PMM2: variants seen among roughly 807,000 people sequenced by gnomAD.
PMM2 encodes the protein mannose-6-phosphate isomerase.
Under a neutral mutation model 33.2 loss-of-function variants are expected in PMM2, and 35 were observed. The observed-to-expected ratio is 1.06, with a 90% CI of 0.81 to 1.40. The LOEUF is 1.40. PMM2 is among the 40% of genes most tolerant of loss of function. The pLI, the probability that PMM2 is intolerant of heterozygous loss-of-function variation, is 0.00. For synonymous variants in PMM2, 153 were observed against 114.7 expected, an observed-to-expected ratio of 1.33 and a Z score of -2.13; for missense variants, 386 against 306.0, an observed-to-expected ratio of 1.26 and a Z score of -1.95.
chr16:8,804,039 T>TTTTTTTTG lies in PMM2; in HGVS notation c.179-721_179-720insGTTTTTTT, dbSNP rs1555449120. On this transcript the variant is annotated intron_variant, in intron 2 of 7. Transcript: ENST00000268261. ...TTTTTTGGGTTTTTTTTGTTTTTTT[T>TTTTTTTTG]TTTTTTTTTTTTGACGTTAGACAGA... Among the ~76,000 whole-genome samples, 5 of 132,802 alleles carry TTTTTTTTG rather than the reference T, an allele frequency of 3.8e-5. No homozygotes were observed. In the East Asian group the frequency reaches 8.7e-4, roughly 23 times the overall value. The allele number at this position is 132,802 out of a possible 152,430, so 87.1% of individuals were successfully genotyped here. A position where few individuals can be genotyped will look rare whatever the true frequency, so the allele number is the denominator to read the frequency against.
intron 1 of PMM2, 93 bp downstream of exon 1, chr16:8,798,041 G>T: frequency 7.8e-7 from 1 of 1,284,514 alleles, no homozygotes. Flanking sequence ...GCGCCAAGGG[G>T]TGGCTAAGGA....
chr16:8,810,711 G>T (rs527310275), intron 4 of PMM2: 4 of 343,476 alleles, frequency 1.2e-5, no homozygotes, highest in African/African-American at 8.6e-5. Flanking sequence ...TGAGTAGCTG[G>T]GATTATAGGC....
At chr16:8,812,340 G>A (rs1365924785) in intron 6 of PMM2, among the ~76,000 whole-genome samples, 1 of 152,162 alleles carries the variant, frequency 6.6e-6, no homozygotes, top group African/African-American at 2.4e-5. Flanking sequence ...CAAATGCTTT[G>A]CACACCGATT....
In PMM2 at chr16:8,845,233, C is replaced by T. The variant is rs368195319; in HGVS notation, c.640-2491C>T. 2.1e-3 allele frequency among the ~76,000 whole-genome samples: 323 copies of T among 151,672 alleles called. 3 individuals carry two copies. The highest frequency in any genetic ancestry group is 7.4e-3 in the African/African-American group (303 of 40,982). ...CAGGGGTGGATCTCACAAAGTACAT[C>T]CTCAAGAGTGGGGAGAATTTCAAAG... On this transcript the variant is annotated intron_variant, in intron 7 of 7. Transcript: ENST00000268261.
intron 4 of PMM2, chr16:8,810,246 C>T (rs1222525987): frequency 2.0e-5 from 3 of 152,164 alleles, no homozygotes; most frequent in Admixed American, 6.5e-5. Context: ...TACTGAGGCT[C>T]GTTGGACAAT....
chr16:8,821,114 A>G (rs887263357), intron 7 of PMM2, among the ~76,000 whole-genome samples: 5 of 152,162 alleles, frequency 3.3e-5, no homozygotes, highest in African/African-American at 1.2e-4. Flanking sequence ...CTGGGACCAC[A>G]TGATTTGAGA....
At chr16:8,816,841 A>G (rs2141026803) in intron 7 of PMM2, among the ~76,000 whole-genome samples, 1 of 152,224 alleles carries the variant, frequency 6.6e-6, no homozygotes, top group East Asian at 1.9e-4. Context: ...GGAAAACTAC[A>G]TAGTGGTTCC....
intron 7 of PMM2, among the ~76,000 whole-genome samples, chr16:8,826,731 C>T (rs2141033125): frequency 6.6e-6 from 1 of 152,284 alleles, no homozygotes; most frequent in East Asian, 1.9e-4. Flanking sequence ...ACACACACAA[C>T]ATTATAAATA....
At position 8,819,256 on chromosome 16, in the gene PMM2, A is replaced by C. The variant is rs540830671; in HGVS notation, c.639+6150A>C. Among the ~76,000 whole-genome samples the C allele has an allele frequency of 4.2e-3, 636 of 152,320 alleles. 1 individual carries two copies. The highest frequency in any genetic ancestry group is 7.3e-3 in the Non-Finnish European group (495 of 68,028). ...ACTGGGATGCCATGTAGCTGTAAAAAGAGTCCATGTGGACCCATCTCTAGG... is the reference window on the plus strand; with the variant it reads ...ACTGGGATGCCATGTAGCTGTAAAACGAGTCCATGTGGACCCATCTCTAGG... On this transcript the variant is annotated intron_variant, in intron 7 of 7. Transcript: ENST00000268261.
intron 7 of PMM2, among the ~76,000 whole-genome samples, chr16:8,818,682 A>G (rs1482331922): frequency 6.6e-6 from 1 of 152,232 alleles, no homozygotes; most frequent in Non-Finnish European, 1.5e-5. Context: ...AAAGGGTGCC[A>G]TCTGCTTGGA....
intron 1 of PMM2, 135 bp downstream of exon 1, chr16:8,798,083 T>C: frequency 1.2e-6 from 1 of 827,480 alleles, no homozygotes; most frequent in Non-Finnish European, 2.0e-6. Context: ...TGAACCCTAT[T>C]CTGGGTGCAC....
chr16:8,823,491 A>G (rs1353329882), intron 7 of PMM2, among the ~76,000 whole-genome samples: 1 of 152,140 alleles, frequency 6.6e-6, no homozygotes, highest in Non-Finnish European at 1.5e-5. Context: ...TTAAAGACAA[A>G]CCGTAGTAGG....
At chr16:8,826,991 T>A (rs2060772028) in intron 7 of PMM2, among the ~76,000 whole-genome samples, 1 of 152,158 alleles carries the variant, frequency 6.6e-6, no homozygotes, top group Non-Finnish European at 1.5e-5. Context: ...CAAAAATACA[T>A]CTTTATAGCC....
intron 1 of PMM2, among the ~76,000 whole-genome samples, chr16:8,801,521 AT>A (rs1327621453): frequency 6.6e-6 from 1 of 152,190 alleles, no homozygotes; most frequent in African/African-American, 2.4e-5. Flanking sequence ...ATATAAAAAA[AT>A]TAGCCAGGTG....
chr16:8,832,277 A>AG, intron 7 of PMM2: 1 of 985,422 alleles, frequency 1.0e-6, no homozygotes, highest in Non-Finnish European at 1.2e-6. Context: ...TGCTCCTGCG[A>AG]GCCGTGCGGC....
At chr16:8,845,435 G>C (rs150320777) in intron 7 of PMM2, among the ~76,000 whole-genome samples, 92 of 152,286 alleles carry the variant, frequency 6.0e-4, no homozygotes, top group Non-Finnish European at 1.1e-3. Context: ...GCGATGGCTT[G>C]GCTTGGGCTC....
chr16:8,816,217 C>T (rs1407321983), intron 7 of PMM2, among the ~76,000 whole-genome samples: 1 of 152,062 alleles, frequency 6.6e-6, no homozygotes, highest in Non-Finnish European at 1.5e-5. Flanking sequence ...ACCACTGCCT[C>T]CTGAGTTCAA....
At chr16:8,841,851 CAA>C (rs1318981563) in intron 7 of PMM2, among the ~76,000 whole-genome samples, 1 of 124,284 alleles carries the variant, frequency 8.0e-6, no homozygotes, top group Non-Finnish European at 1.7e-5. Flanking sequence ...TGGGACTTAA[CAA>C]AGAGTGAGTA....
chr16:8,807,053 G>C (rs984695215), intron 4 of PMM2: 1 of 153,476 alleles, frequency 6.5e-6, no homozygotes, highest in African/African-American at 2.4e-5. Context: ...GGAGTGCAGT[G>C]GCAGGATCTC....
Sources: allele counts gnomAD v4.1 joint callset (sites outside exome capture counted in the v4.1 genomes callset), GRCh38; gene constraint gnomAD v4.1.1; transcripts MANE v1.5; gene names NCBI Gene and HGNC (gene_info 2026-07-23, HGNC 2026-07-21).